PDE4B: variants seen among roughly 807,000 people sequenced by gnomAD.
PDE4B encodes phosphodiesterase 4B.
A neutral mutation model predicts 82.2 loss-of-function variants in PDE4B; 20 were observed. The observed-to-expected ratio is 0.24, with a 90% confidence interval of 0.17 to 0.35. PDE4B has a LOEUF of 0.35. PDE4B is among the 10% of genes least tolerant of loss of function. The pLI is 1.00. For synonymous variants in PDE4B, 320 were observed against 318.9 expected (o/e 1.00, Z -0.04); for missense variants, 655 against 907.2 (o/e 0.72, Z 3.57).
chr1:65,825,480 A>T (rs1222568875), intron 1 of PDE4B, among the ~76,000 whole-genome samples: 2 of 152,166 alleles, frequency 1.3e-5, no homozygotes, highest in Admixed American at 1.3e-4. Flanking sequence ...TTGAAGCTAG[A>T]TACATCCTAA....
chr1:66,192,482 T>C (rs1231393269), intron 3 of PDE4B, among the ~76,000 whole-genome samples: 2 of 152,188 alleles, frequency 1.3e-5, no homozygotes, highest in African/African-American at 4.8e-5. Context: ...GTCCATATCA[T>C]GCTGTGCTTA....
At chr1:66,092,528 A>C (rs923442449) in intron 3 of PDE4B, among the ~76,000 whole-genome samples, 2 of 152,112 alleles carry the variant, frequency 1.3e-5, no homozygotes, top group Non-Finnish European at 2.9e-5. Context: ...ATATGATTAC[A>C]GCCTCAAGAA....
chr1:65,915,654 G>A (rs542550662), intron 2 of PDE4B, among the ~76,000 whole-genome samples: 8 of 152,108 alleles, frequency 5.3e-5, no homozygotes, highest in South Asian at 2.1e-4. Flanking sequence ...GGTTGGTTTC[G>A]ATATGGGGAT....
intron 3 of PDE4B, among the ~76,000 whole-genome samples, chr1:66,008,916 A>C (rs937885394): frequency 1.3e-5 from 2 of 152,022 alleles, no homozygotes; most frequent in Non-Finnish European, 2.9e-5. Flanking sequence ...TTTTTGTCCT[A>C]TAATAACTCC....
intron 3 of PDE4B, among the ~76,000 whole-genome samples, chr1:65,992,153 A>G (rs1210499165): frequency 6.6e-6 from 1 of 152,238 alleles, no homozygotes; most frequent in East Asian, 1.9e-4. Context: ...AAAAAACTTC[A>G]GCAAATCAGC....
At position 66,348,994 on chromosome 1, in the gene PDE4B, G is replaced by A. The variant is rs189575346; in HGVS notation, c.748-6533G>A. On this transcript the variant is annotated intron_variant, in intron 8 of 16. Coordinates refer to ENST00000341517, the MANE Select transcript of PDE4B (RefSeq NM_002600.4). ...GTCAATTTTTTAGTGTTCCAATAAT[G>A]TGTGTTATATCATCTCTTGAGAAGT... Among the ~76,000 whole-genome samples the A allele has an allele frequency of 1.3e-3, 201 of 152,224 alleles. 4 individuals carry two copies. The highest frequency in any genetic ancestry group is 4.3e-3 in the African/African-American group (180 of 41,542).
chr1:65,983,802 T>G (rs1470683404), intron 3 of PDE4B, among the ~76,000 whole-genome samples: 2 of 10,462 alleles, frequency 1.9e-4, no homozygotes, highest in Non-Finnish European at 8.1e-4. Context: ...ATGGAAGCCC[T>G]AATAACGTAA....
chr1:66,250,814 C>G (rs1027087459), intron 4 of PDE4B, among the ~76,000 whole-genome samples: 1 of 152,170 alleles, frequency 6.6e-6, no homozygotes, highest in African/African-American at 2.4e-5. Flanking sequence ...TTTTGATTAT[C>G]CACCTGCAAA....
At chr1:66,324,679 C>T (rs1659625589) in intron 7 of PDE4B, among the ~76,000 whole-genome samples, 1 of 152,090 alleles carries the variant, frequency 6.6e-6, no homozygotes, top group Admixed American at 6.6e-5. Flanking sequence ...TATGAATCCA[C>T]CCAGAGTGAA....
chr1:66,020,496 T>C (rs963914167), intron 3 of PDE4B, among the ~76,000 whole-genome samples: 2 of 148,242 alleles, frequency 1.3e-5, no homozygotes, highest in Admixed American at 1.3e-4. Context: ...CCCTGGTGTG[T>C]GATGTTCCCC....
intron 1 of PDE4B, among the ~76,000 whole-genome samples, chr1:65,869,321 G>A (rs1482444801): frequency 1.3e-5 from 2 of 152,242 alleles, no homozygotes; most frequent in South Asian, 4.1e-4. Context: ...GTTCTTGAGG[G>A]ATATTAAATA....
chr1:65,942,178 C>T (rs1453127963), intron 3 of PDE4B, among the ~76,000 whole-genome samples: 1 of 151,976 alleles, frequency 6.6e-6, no homozygotes, highest in Non-Finnish European at 1.5e-5. Context: ...TTTCATTCTC[C>T]AGACACACCG....
At chr1:66,052,669 T>G (rs1655104143) in intron 3 of PDE4B, among the ~76,000 whole-genome samples, 1 of 152,018 alleles carries the variant, frequency 6.6e-6, no homozygotes, top group African/African-American at 2.4e-5. Flanking sequence ...GTGAAATCCT[T>G]TCCGAGAAAT....
intron 3 of PDE4B, among the ~76,000 whole-genome samples, chr1:66,029,899 T>C (rs994191650): frequency 6.6e-6 from 1 of 152,222 alleles, no homozygotes; most frequent in African/African-American, 2.4e-5. Flanking sequence ...ACAAAGGTAC[T>C]TTCAAGCAAT....
intron 6 of PDE4B, among the ~76,000 whole-genome samples, chr1:66,262,787 A>G (rs1178731357): frequency 6.6e-6 from 1 of 152,230 alleles, no homozygotes; most frequent in Non-Finnish European, 1.5e-5. Context: ...AAGCTTCCAC[A>G]CAGAGATGCT....
At chr1:66,191,813 C>T (rs1050216295) in intron 3 of PDE4B, among the ~76,000 whole-genome samples, 5 of 152,090 alleles carry the variant, frequency 3.3e-5, no homozygotes, top group African/African-American at 9.7e-5. Context: ...GCAAAAGGCA[C>T]GTTTCACATA....
At chr1:66,243,528 T>C (rs17128648) in intron 3 of PDE4B, among the ~76,000 whole-genome samples, 4,713 of 152,232 alleles carry the variant, frequency 0.031, 230 homozygotes, top group African/African-American at 0.11. Flanking sequence ...TAAAGGAATC[T>C]AGGAGAGCAC....
chr1:66,207,433 G>A (rs1386209900), intron 3 of PDE4B, among the ~76,000 whole-genome samples: 1 of 152,112 alleles, frequency 6.6e-6, no homozygotes, highest in Admixed American at 6.6e-5. Context: ...GGTCACTGAA[G>A]ATATAAATTA....
At chr1:65,901,861 C>G (rs1371551076) in intron 1 of PDE4B, among the ~76,000 whole-genome samples, 2 of 151,880 alleles carry the variant, frequency 1.3e-5, no homozygotes, top group African/African-American at 4.8e-5. Flanking sequence ...TCTTATTTTT[C>G]TAGTCCCTCT....
Sources: gnomAD v4.1 joint callset for allele counts (sites outside exome capture counted in the v4.1 genomes callset) on GRCh38, gnomAD v4.1.1 for gene constraint, MANE v1.5 for transcripts, NCBI Gene and HGNC (gene_info 2026-07-23, HGNC 2026-07-21) for gene names.